Variants in RREB1 observed in about 807,000 individuals in gnomAD.
RREB1 encodes ras-responsive element-binding protein 1.
In RREB1, 27 loss-of-function variants were observed where a neutral mutation model predicts 117.8. The ratio of observed to expected loss-of-function variants is 0.23; its 90% CI spans 0.17 to 0.32. The LOEUF (loss-of-function observed/expected upper bound fraction) is 0.32. Ranked by LOEUF, RREB1 falls within the 10% of genes least tolerant of loss-of-function variation. The pLI is 1.00. For synonymous variants in RREB1, 1,298 were observed against 1,026.7 expected (o/e 1.26, Z -5.05); for missense variants, 2,577 against 2,378.2 (o/e 1.08, Z -1.74).
chr6:7,236,153 T>C (rs1768299599), intron 10 of RREB1, among the ~76,000 whole-genome samples: 1 of 152,088 alleles, frequency 6.6e-6, no homozygotes, highest in Non-Finnish European at 1.5e-5. Context: ...TCTCGTGTGT[T>C]TTTAGGCCAC....
In RREB1 at chr6:7,246,613, A is replaced by C; in HGVS notation, c.4163A>C (p.His1388Pro). 6.4e-7 allele frequency: 1 copy of C among 1,563,396 alleles called. No individual in the cohort carries two copies. Among genetic ancestry groups the C allele is most frequent in the Non-Finnish European group, 8.7e-7 (1 of 1,154,212 alleles). Residue 1388 changes from histidine to proline, a missense_variant, in exon 12 of 13, where the codon CAT (histidine) becomes CCT (proline). His to Pro is a moderately conservative substitution (Grantham distance 77). Coordinates refer to ENST00000379938, the MANE Select transcript of RREB1 (RefSeq NM_001003699.4). ...HREEHGRGES[H>P]EPEEEHGTEE... ...GAAGAGCACGGGCGTGGGGAGAGCC[A>C]TGAGCCGGAGGAGGAGCATGGCACT...
intron 1 of RREB1, among the ~76,000 whole-genome samples, chr6:7,156,678 A>G (rs1402598979): frequency 2.6e-5 from 4 of 152,254 alleles, no homozygotes; most frequent in Admixed American, 6.5e-5. Context: ...TGAGGAGAGC[A>G]GCTATGTGTG....
chr6:7,179,661 T>C (rs1764687479), intron 2 of RREB1, among the ~76,000 whole-genome samples: 2 of 152,222 alleles, frequency 1.3e-5, no homozygotes, highest in Admixed American at 1.3e-4. Context: ...ATGACTCTCT[T>C]TTTAGTAGTC....
intron 10 of RREB1, among the ~76,000 whole-genome samples, chr6:7,236,781 A>G (rs944112624): frequency 2.0e-5 from 3 of 150,572 alleles, no homozygotes; most frequent in Non-Finnish European, 4.4e-5. Flanking sequence ...TCTCCTCATC[A>G]AACTATTCTC....
At chr6:7,177,787 A>G (rs1192888816) in intron 2 of RREB1, among the ~76,000 whole-genome samples, 3 of 152,060 alleles carry the variant, frequency 2.0e-5, no homozygotes, top group East Asian at 1.9e-4. Flanking sequence ...TAATGGGGCT[A>G]TCTCAGCTCA....
rs768917491 is a variant in RREB1, at chr6:7,247,191, G to C, written c.4741G>C (p.Asp1581His). The C allele has an allele frequency of 6.2e-7, 1 of 1,613,646 alleles. No homozygotes were observed. Among genetic ancestry groups the C allele is most frequent in the Non-Finnish European group, 8.5e-7 (1 of 1,179,930 alleles). ...CAACAAGCGGTTCTGGTCGCTGCAG[G>C]ACCTGACCCGGCACATGCGCTCCCA... The part of the protein sequence containing the change: ...VCNKRFWSLQ[D>H]LTRHMRSHTG... Residue 1581 changes from aspartate to histidine, a missense_variant, in exon 12 of 13, where the codon GAC (aspartate) becomes CAC (histidine). Coordinates refer to ENST00000379938, the MANE Select transcript of RREB1 (RefSeq NM_001003699.4).
rs947195570 is a variant in RREB1 at position 7,230,268 on chromosome 6, C to T, written c.2169C>T (p.Leu723=). ...AGCGGCACCTGCGCAAGAAGCACCT[C>T]AAGGCCACCCGCAAGGATATCGAGA... is the stretch of plus-strand genomic sequence containing the variant. ...NCERHLRKKH[L]KATRKDIEKN... The change falls in exon 10 of 13, where the codon CTC becomes CTT. Residue 723 remains leucine, a synonymous_variant. Coordinates refer to ENST00000379938, the MANE Select transcript of RREB1 (RefSeq NM_001003699.4). The T allele has an allele frequency of 3.1e-6, 5 of 1,599,672 alleles. No homozygotes were observed. The highest frequency in any genetic ancestry group is 1.7e-5 in the Admixed American group (1 of 59,722).
At chr6:7,128,108 G>A (rs1012673559) in intron 1 of RREB1, among the ~76,000 whole-genome samples, 1 of 152,086 alleles carries the variant, frequency 6.6e-6, no homozygotes, top group Non-Finnish European at 1.5e-5. Context: ...TTCAAAGCTT[G>A]TACTCATGGA....
Position 7,240,562 on chromosome 6 carries a change from C to T in RREB1, c.3933C>T (p.Pro1311=), listed in dbSNP as rs940049732. The stretch of plus-strand genomic sequence containing the variant: ...CCCTGAGAAGAAACGGGCTTATCCC[C>T]CAGTCAAAAGAGAGTGATGTTGGAT... ...TCSLRRNGLI[P]QSKESDVGSH... is the part of the protein sequence containing the mutation. Residue 1311 remains proline, a synonymous_variant, in exon 11 of 13, where the codon CCC becomes CCT. Coordinates refer to ENST00000379938, the MANE Select transcript of RREB1 (RefSeq NM_001003699.4). The T allele has an allele frequency of 6.2e-7, 1 of 1,613,744 alleles. No individual in the cohort carries two copies. The highest frequency in any genetic ancestry group is 1.1e-5 in the South Asian group (1 of 91,032).
At chr6:7,117,245 A>G (rs945637582) in intron 1 of RREB1, among the ~76,000 whole-genome samples, 2 of 152,148 alleles carry the variant, frequency 1.3e-5, no homozygotes. Flanking sequence ...TGTAAAAAAC[A>G]AAACATTTCT....
chr6:7,151,918 T>TG, intron 1 of RREB1, among the ~76,000 whole-genome samples: 1 of 152,244 alleles, frequency 6.6e-6, no homozygotes, highest in African/African-American at 2.4e-5. Context: ...AACAGGACTA[T>TG]GGGGGAGAAA....
chr6:7,156,242 G>A (rs983238061), intron 1 of RREB1, among the ~76,000 whole-genome samples: 3 of 152,130 alleles, frequency 2.0e-5, no homozygotes, highest in Admixed American at 6.5e-5. Context: ...TTAAAGCTCC[G>A]TCCACTTCCT....
intron 1 of RREB1, among the ~76,000 whole-genome samples, chr6:7,125,424 G>C (rs1761864581): frequency 6.6e-6 from 1 of 152,200 alleles, no homozygotes; most frequent in Admixed American, 6.5e-5. Flanking sequence ...CCAGGCTTCT[G>C]CTAGTCCTCC....
In RREB1 at chr6:7,246,741, G is replaced by A. The variant is rs1769072801; in HGVS notation, c.4291G>A (p.Glu1431Lys). ...CAAGCTCATGGACTTCAAGCTGGCG[G>A]AGGGCGACGGCGAGGCAGGCGCCGG... ...ATKLMDFKLA[E>K]GDGEAGAGGA... The change falls in exon 12 of 13, where the codon GAG becomes AAG. Residue 1431 changes from glutamate to lysine, a missense_variant. By Grantham distance (56) the Glu-to-Lys change is moderately conservative. Transcript: ENST00000379938. 1.9e-6 allele frequency: 3 copies of A among 1,575,230 alleles called. No individual in the cohort carries two copies. The highest frequency in any genetic ancestry group is 1.7e-4 in the Middle Eastern group (1 of 5,996).
At chr6:7,188,630 CAT>C (rs1258900402) in intron 5 of RREB1, among the ~76,000 whole-genome samples, 15 of 152,198 alleles carry the variant, frequency 9.9e-5, no homozygotes, top group African/African-American at 3.6e-4. Context: ...AAAATCATGA[CAT>C]AGTACTGAAT....
At chr6:7,188,656 C>G (rs562212919) in intron 5 of RREB1, among the ~76,000 whole-genome samples, 1 of 152,254 alleles carries the variant, frequency 6.6e-6, no homozygotes, top group Admixed American at 6.5e-5. Flanking sequence ...CATCAAGTTA[C>G]TAAAGTAACT....
rs769388891 is a variant in RREB1 at position 7,231,451 on chromosome 6, G to A, written c.3352G>A (p.Ala1118Thr). 68 of 1,612,808 alleles carry A rather than the reference G, an allele frequency of 4.2e-5. No homozygotes were observed. The highest frequency in any genetic ancestry group is 8.9e-5 in the East Asian group (4 of 44,856). Residue 1118 changes from alanine to threonine, a missense_variant, in exon 10 of 13, where the codon GCT (alanine) becomes ACT (threonine). Physicochemically the swap from Ala to Thr is moderately conservative, Grantham distance 58 (BLOSUM62 0). Transcript: ENST00000379938. ...CAAAGCCGCCACCACCGCCACCCCCGCTGCCACCACCAGCCCAAAAGAGTC... is the reference window on the plus strand; with the variant it reads ...CAAAGCCGCCACCACCGCCACCCCCACTGCCACCACCAGCCCAAAAGAGTC... ...VPKAATTATPAATTSPKESSE... is the reference protein window; with the variant it reads ...VPKAATTATPTATTSPKESSE...
At chr6:7,205,058 C>G (rs752135356) in intron 6 of RREB1, among the ~76,000 whole-genome samples, 1 of 152,170 alleles carries the variant, frequency 6.6e-6, no homozygotes, top group Non-Finnish European at 1.5e-5. Flanking sequence ...ATGTTTAATG[C>G]TGGTATCCAA....
At position 7,192,936 on chromosome 6, in the gene RREB1, A is replaced by G. The variant is rs143316287; in HGVS notation, c.425+3614A>G. Among the ~76,000 whole-genome samples the G allele has an allele frequency of 1.6e-4, 25 of 152,302 alleles. No individual in the cohort carries two copies. In the East Asian group the frequency reaches 3.1e-3, roughly 19 times the overall value. On this transcript the variant is annotated intron_variant, in intron 6 of 12. Transcript: ENST00000379938. ...GGCTTTTATAGCTATCCATTTTCGT[A>G]TAAGCATTGCTTTAGTTGTTTCCCA...
Sources: gnomAD v4.1 joint callset for allele counts (sites outside exome capture counted in the v4.1 genomes callset) on GRCh38, gnomAD v4.1.1 for gene constraint, MANE v1.5 for transcripts, NCBI Gene and HGNC (gene_info 2026-07-23, HGNC 2026-07-21) for gene names.